The following TDRKH variants were observed in gnomAD, a reference collection of about 807,000 sequenced individuals.
The protein encoded by TDRKH is tudor and KH domain containing.
In TDRKH, 28 loss-of-function variants were observed where a neutral mutation model predicts 61.3. That is an observed-to-expected ratio of 0.46 (90% CI 0.34 to 0.63). The LOEUF (loss-of-function observed/expected upper bound fraction) is 0.63. Ranked by LOEUF, TDRKH falls within the 20% of genes least tolerant of loss-of-function variation. The pLI is 0.01. For synonymous variants in TDRKH, 219 were observed against 244.4 expected, an observed-to-expected ratio of 0.90 and a Z score of 0.97; for missense variants, 540 against 683.4, an observed-to-expected ratio of 0.79 and a Z score of 2.34.
At chr1:151,775,625 C>T in intron 9 of TDRKH, 82 bp from the exon 10 acceptor site, 1 of 1,538,242 alleles carries the variant, frequency 6.5e-7, no homozygotes, top group Admixed American at 2.0e-5. Flanking sequence ...CTTTTCTACT[C>T]AGGAAGGCAC....
chr1:151,788,077 G>A (rs1019868827), intron 1 of TDRKH, among the ~76,000 whole-genome samples: 1 of 152,138 alleles, frequency 6.6e-6, no homozygotes, highest in Admixed American at 6.5e-5. Flanking sequence ...AGCATCTATG[G>A]ATTTGGGTTC....
Position 151,778,934 on chromosome 1 carries a change from C to G in TDRKH, c.634G>C (p.Val212Leu), listed in dbSNP as rs779986857. 1.1e-5 allele frequency: 17 copies of G among 1,614,078 alleles called. No homozygotes were observed. The highest frequency in any genetic ancestry group is 6.7e-5 in the Admixed American group (4 of 60,002). ...KRIAHSAETR[V>L]PRKQPISVRR... is the part of the protein sequence containing the mutation. ...ACACTGATTGGCTGTTTGCGTGGGA[C>G]CCTGGTTTCTGCAGAATGAGCAATT... The change falls in exon 6 of 13, where the codon GTC (valine) becomes CTC (leucine). Residue 212 changes from valine (V) to leucine (L), a missense_variant. Around this residue, in one of 3 missense-constraint regions of TDRKH, gnomAD observed 379 missense variants for 443.8 expected, o/e 0.85. Transcript: ENST00000368824.
chr1:151,782,881 G>A lies in TDRKH; in HGVS notation c.124+18C>T, dbSNP rs374673789. 1.5e-5 allele frequency: 24 copies of A among 1,587,166 alleles called. No homozygotes were observed. In the African/African-American group the frequency reaches 3.0e-4, roughly 20 times the overall value. ...ATGTCTGAACATTTTCACACACACAGTCATAGGGTTCACGTACCTCTGCTT... is the reference window on the plus strand; with the variant it reads ...ATGTCTGAACATTTTCACACACACAATCATAGGGTTCACGTACCTCTGCTT... On this transcript the variant is annotated intron_variant, in intron 2 of 12. Transcript: ENST00000368824.
At position 151,782,500 on chromosome 1, in the gene TDRKH, A is replaced by G. The variant is rs201062177; in HGVS notation, c.124+399T>C. Among the ~76,000 whole-genome samples, 26 of 150,198 alleles carry G rather than the reference A, an allele frequency of 1.7e-4. No homozygotes were observed. The East Asian group carries it at 2.2e-3, about 13-fold the overall frequency. On this transcript the variant is annotated intron_variant, in intron 2 of 12. Transcript: ENST00000368824. ...AGTCAAAGATTCCTCACAGAAAGTC[A>G]ATTAAAATACCTGGGTCAGGCATGG...
intron 1 of TDRKH, among the ~76,000 whole-genome samples, chr1:151,788,914 T>C (rs1650612141): frequency 6.6e-6 from 1 of 152,206 alleles, no homozygotes; most frequent in Non-Finnish European, 1.5e-5. Flanking sequence ...ACACATGCCA[T>C]GCTTGTCATT....
chr1:151,778,059 A>T (rs75935954), intron 6 of TDRKH, among the ~76,000 whole-genome samples: 1,557 of 152,258 alleles, frequency 0.01, 37 homozygotes, highest in African/African-American at 0.036. Flanking sequence ...GTTATAACAG[A>T]GCGGGCTGGT....
At chr1:151,776,299 A>G in intron 7 of TDRKH, 31 bp from the exon 8 acceptor site, 1 of 1,607,478 alleles carries the variant, frequency 6.2e-7, no homozygotes, top group Non-Finnish European at 8.5e-7. Flanking sequence ...AAAGGCAGAG[A>G]GTTACAAAGT....
chr1:151,785,288 C>T (rs992581515), intron 1 of TDRKH, among the ~76,000 whole-genome samples: 1 of 152,198 alleles, frequency 6.6e-6, no homozygotes, highest in Admixed American at 6.5e-5. Context: ...CACACCTAGC[C>T]TGTCAACAAA....
intron 10 of TDRKH, 65 bp downstream of exon 10, chr1:151,775,327 A>G: frequency 1.9e-6 from 3 of 1,568,014 alleles, no homozygotes; most frequent in Non-Finnish European, 1.7e-6. Context: ...TCTGAGGAAG[A>G]AAAAGTAAAT....
Position 151,781,496 on chromosome 1 carries a change from T to C in TDRKH, c.216A>G (p.Gly72=). 1 of 1,613,530 alleles carries C rather than the reference T, an allele frequency of 6.2e-7. No individual in the cohort carries two copies. The highest frequency in any genetic ancestry group is 8.5e-7 in the Non-Finnish European group (1 of 1,179,814). Residue 72 remains glycine, a synonymous_variant, in exon 3 of 13, where the codon GGA becomes GGG. Coordinates refer to ENST00000368824, the MANE Select transcript of TDRKH (RefSeq NM_001083965.2). ...EAVKLIIGRQ[G]ANIKQLRKQT... ...ACACACTTACCTGTTTAATATTGGCTCCTTGCCGGCCAATGATGAGTTTCA... is the reference window on the plus strand; with the variant it reads ...ACACACTTACCTGTTTAATATTGGCCCCTTGCCGGCCAATGATGAGTTTCA...
At chr1:151,780,623 G>C (rs1412469916) in intron 3 of TDRKH, among the ~76,000 whole-genome samples, 1 of 152,164 alleles carries the variant, frequency 6.6e-6, no homozygotes, top group African/African-American at 2.4e-5. Context: ...AGCCAAGGCG[G>C]CTGGATCACG....
intron 3 of TDRKH, among the ~76,000 whole-genome samples, chr1:151,780,718 C>T (rs1247501593): frequency 2.6e-5 from 4 of 151,908 alleles, no homozygotes; most frequent in Admixed American, 1.3e-4. Context: ...GGAGTGGTGG[C>T]GGGCACCTGT....
chr1:151,774,327 C>T lies in TDRKH; in HGVS notation c.*125G>A, dbSNP rs775780186. 5.5e-5 allele frequency: 50 copies of T among 912,424 alleles called. No homozygotes were observed. Among genetic ancestry groups the T allele is most frequent in the Admixed American group, 1.0e-4 (4 of 39,488 alleles). The allele number at this position is 912,424 out of a possible 1,614,324, so 56.5% of individuals were successfully genotyped here. ...TGCAGAGAAGTATATTAAGACAGGG[C>T]ATGGGAAAGAGGGAATCAAAGCAAG... On this transcript the variant is annotated 3_prime_UTR_variant, in exon 13 of 13. Transcript: ENST00000368824.
At chr1:151,789,621 C>T (rs1249875879) in intron 1 of TDRKH, among the ~76,000 whole-genome samples, 1 of 152,190 alleles carries the variant, frequency 6.6e-6, no homozygotes, top group East Asian at 1.9e-4. Context: ...ATCTGATATG[C>T]ATCGCTAAGG....
chr1:151,785,868 T>TA (rs1488420828), intron 1 of TDRKH, among the ~76,000 whole-genome samples: 1 of 152,090 alleles, frequency 6.6e-6, no homozygotes, highest in Non-Finnish European at 1.5e-5. Flanking sequence ...AGATAGGTGA[T>TA]AAAAAACTGA....
chr1:151,781,536 A>G lies in TDRKH; in HGVS notation c.176T>C (p.Val59Ala). 2 of 1,613,440 alleles carry G rather than the reference A, an allele frequency of 1.2e-6. No homozygotes were observed. The highest frequency in any genetic ancestry group is 1.7e-6 in the Non-Finnish European group (2 of 1,179,780). ...GATGAGTTTCACAGCCTCCTGGGGA[A>G]CCCGCATCTCTATCTCAATGTCATC... ...GEDDIEIEMR[V>A]PQEAVKLIIG... The change falls in exon 3 of 13, where the codon GTT becomes GCT. Residue 59 changes from valine (V) to alanine (A), a missense_variant. Coordinates refer to ENST00000368824, the MANE Select transcript of TDRKH (RefSeq NM_001083965.2).
At chr1:151,783,242 A>C (rs1650009457) in intron 1 of TDRKH, 193 bp from the exon 2 acceptor site, 1 of 355,668 alleles carries the variant, frequency 2.8e-6, no homozygotes, top group South Asian at 4.9e-5. Flanking sequence ...GCTAAGGTAC[A>C]CATAGAATTA....
intron 1 of TDRKH, among the ~76,000 whole-genome samples, chr1:151,786,306 A>G (rs1045406647): frequency 6.6e-6 from 1 of 152,190 alleles, no homozygotes; most frequent in African/African-American, 2.4e-5. Context: ...GATGCCTTGG[A>G]GTACTGAAAA....
chr1:151,779,496 C>G (rs1649535736), intron 4 of TDRKH, among the ~76,000 whole-genome samples: 1 of 152,086 alleles, frequency 6.6e-6, no homozygotes, highest in Non-Finnish European at 1.5e-5. Context: ...TCATTTTGAC[C>G]ACTCAGCATG....
Sources: gnomAD v4.1 joint callset for allele counts (sites outside exome capture counted in the v4.1 genomes callset) on GRCh38, gnomAD v4.1.1 for gene constraint, gnomAD v4.1.1 regional missense constraint, MANE v1.5 for transcripts, NCBI Gene and HGNC (gene_info 2026-07-23, HGNC 2026-07-21) for gene names.